Variants in FAM13C observed in about 807,000 individuals in gnomAD.
FAM13C encodes protein FAM13C.
In FAM13C, 37 loss-of-function variants were observed where a neutral mutation model predicts 73.2. That is an observed-to-expected ratio of 0.51 (90% confidence interval 0.39 to 0.67). The LOEUF (loss-of-function observed/expected upper bound fraction) is 0.67, where lower values mean the gene tolerates loss of function less well. Among genes scored for constraint, FAM13C ranks in the 30% least tolerant of loss-of-function variants. The pLI, the probability that FAM13C is intolerant of heterozygous loss-of-function variation, is 0.00. For missense variants in FAM13C, 589 were observed against 715.6 expected (o/e 0.82, Z 2.02); for synonymous variants, 246 against 260.9 (o/e 0.94, Z 0.55).
chr10:59,293,045 C>A (rs978842034), intron 5 of FAM13C, among the ~76,000 whole-genome samples: 9 of 148,018 alleles, frequency 6.1e-5, no homozygotes, highest in African/African-American at 2.2e-4. Context: ...CTCTCTACTT[C>A]TGAGATCAAC....
chr10:59,255,030 T>G (rs1841818233), intron 10 of FAM13C, among the ~76,000 whole-genome samples: 1 of 152,198 alleles, frequency 6.6e-6, no homozygotes, highest in Non-Finnish European at 1.5e-5. Flanking sequence ...ACCTCTTCCT[T>G]AATTACTTCT....
At chr10:59,328,202 T>C (rs1222864725) in intron 3 of FAM13C, among the ~76,000 whole-genome samples, 3 of 152,146 alleles carry the variant, frequency 2.0e-5, no homozygotes, top group Non-Finnish European at 4.4e-5. Flanking sequence ...GAAGCAAACA[T>C]AATTTAGGCT....
At chr10:59,331,165 A>G (rs1431241410) in intron 3 of FAM13C, among the ~76,000 whole-genome samples, 1 of 152,226 alleles carries the variant, frequency 6.6e-6, no homozygotes, top group Non-Finnish European at 1.5e-5. Context: ...GTGGCAAGAC[A>G]CAAACTATAA....
chr10:59,326,220 T>G (rs945761029), intron 3 of FAM13C, among the ~76,000 whole-genome samples: 2 of 152,128 alleles, frequency 1.3e-5, no homozygotes, highest in Admixed American at 1.3e-4. Context: ...CTCAAAGGAC[T>G]GCAAGAGAAG....
chr10:59,301,683 A>G (rs931329643), intron 5 of FAM13C, among the ~76,000 whole-genome samples: 4 of 152,234 alleles, frequency 2.6e-5, no homozygotes, highest in African/African-American at 7.2e-5. Flanking sequence ...AGTGGGGCAG[A>G]CAGCTGCGTT....
intron 6 of FAM13C, among the ~76,000 whole-genome samples, chr10:59,280,477 C>A (rs1844804711): frequency 6.6e-6 from 1 of 152,162 alleles, no homozygotes; most frequent in Admixed American, 6.5e-5. Context: ...TTCCCGTTGG[C>A]AAAATTGAGG....
chr10:59,317,109 G>T (rs1849622803), intron 4 of FAM13C, among the ~76,000 whole-genome samples: 1 of 142,710 alleles, frequency 7.0e-6, no homozygotes, highest in East Asian at 2.1e-4. Flanking sequence ...GTGTGTATGT[G>T]TATGTCACTA....
chr10:59,276,941 C>T (rs1844381202), intron 6 of FAM13C, among the ~76,000 whole-genome samples: 1 of 152,164 alleles, frequency 6.6e-6, no homozygotes, highest in South Asian at 2.1e-4. Context: ...CCAATACTTG[C>T]AAATGGGTCC....
At chr10:59,255,860 C>T (rs1841901656) in intron 10 of FAM13C, among the ~76,000 whole-genome samples, 1 of 152,080 alleles carries the variant, frequency 6.6e-6, no homozygotes, top group African/African-American at 2.4e-5. Flanking sequence ...GTATTGTCTG[C>T]CCAAATAAAG....
chr10:59,293,849 A>G (rs1388135222), intron 5 of FAM13C, among the ~76,000 whole-genome samples: 1 of 152,232 alleles, frequency 6.6e-6, no homozygotes, highest in Non-Finnish European at 1.5e-5. Flanking sequence ...TTGCTTCTCA[A>G]TAAATCCTGT....
At chr10:59,362,700 G>A (rs1381522713), upstream of FAM13C, 13 of 839,576 alleles carry the variant, frequency 1.5e-5, no homozygotes, top group South Asian at 1.4e-4. Context: ...CGCGGCGGCG[G>A]GGCTGGGACC....
At chr10:59,283,882 C>G (rs1269318755) in intron 5 of FAM13C, among the ~76,000 whole-genome samples, 2 of 152,050 alleles carry the variant, frequency 1.3e-5, no homozygotes, top group South Asian at 2.1e-4. Context: ...GACATTAGGT[C>G]CCTCCCTGGC....
chr10:59,346,075 A>G (rs1376204480), intron 3 of FAM13C, among the ~76,000 whole-genome samples: 1 of 152,202 alleles, frequency 6.6e-6, no homozygotes, highest in Non-Finnish European at 1.5e-5. Context: ...TTTCAAAGTC[A>G]ATAAGCTGTA....
intron 6 of FAM13C, among the ~76,000 whole-genome samples, chr10:59,274,478 A>C (rs1442524255): frequency 1.3e-5 from 2 of 152,012 alleles, no homozygotes; most frequent in Admixed American, 6.6e-5. Flanking sequence ...GGAGGTCAGC[A>C]CTCCAAGCAG....
At chr10:59,311,469 T>G (rs993295559) in intron 4 of FAM13C, among the ~76,000 whole-genome samples, 3 of 152,166 alleles carry the variant, frequency 2.0e-5, no homozygotes, top group Non-Finnish European at 4.4e-5. Flanking sequence ...ACCTCATTCA[T>G]TCCATACACT....
At chr10:59,308,747 G>A (rs1848579533) in intron 4 of FAM13C, among the ~76,000 whole-genome samples, 1 of 152,214 alleles carries the variant, frequency 6.6e-6, no homozygotes, top group African/African-American at 2.4e-5. Context: ...CTGCAAACTT[G>A]TGGATAGCCT....
At chr10:59,321,432 C>CA (rs1850271025) in intron 4 of FAM13C, among the ~76,000 whole-genome samples, 1 of 58,060 alleles carries the variant, frequency 1.7e-5, no homozygotes, top group African/African-American at 5.9e-5. Context: ...CTGCCAACAC[C>CA]TTTTTTTTTT....
intron 3 of FAM13C, among the ~76,000 whole-genome samples, chr10:59,337,974 C>G (rs1852965552): frequency 6.6e-6 from 1 of 151,942 alleles, no homozygotes; most frequent in Admixed American, 6.6e-5. Context: ...GACACCATGC[C>G]CAGCCTGAAC....
chr10:59,260,591 A>G (rs1286538001), intron 10 of FAM13C, among the ~76,000 whole-genome samples: 2 of 152,126 alleles, frequency 1.3e-5, no homozygotes, highest in East Asian at 1.9e-4. Flanking sequence ...CATATTTTCT[A>G]TCATATCACC....
Sources: allele counts gnomAD v4.1 joint callset (sites outside exome capture counted in the v4.1 genomes callset), GRCh38; gene constraint gnomAD v4.1.1; transcripts MANE v1.5; gene names NCBI Gene and HGNC (gene_info 2026-07-23, HGNC 2026-07-21).